The following TCF12 variants were observed in gnomAD, a reference collection of about 807,000 sequenced individuals.
TCF12 encodes DNA-binding protein HTF4.
Under a neutral mutation model 86.0 loss-of-function variants are expected in TCF12, and 45 were observed. That is an observed-to-expected ratio of 0.52 (90% CI 0.41 to 0.67). TCF12 has a LOEUF of 0.67. Among genes scored for constraint, TCF12 ranks in the 30% least tolerant of loss-of-function variants. The pLI is 0.00. For synonymous variants in TCF12, 330 were observed against 299.6 expected (o/e 1.10, Z -1.05); for missense variants, 881 against 859.9 (o/e 1.02, Z -0.31).
rs1286300473 is a variant in TCF12, at chr15:57,056,147, G to GTT, written c.149-7602_149-7601insTT. Among the ~76,000 whole-genome samples the GTT allele has an allele frequency of 2.6e-5, 4 of 151,154 alleles. No homozygotes were observed. In the South Asian group the frequency reaches 8.4e-4, roughly 32 times the overall value. ...TGTGTGTGTGTGTGTGTGTGTGTGTGTGTGTGTTTTGAGACAGAGTTTCTC... is the reference window on the plus strand; with the variant it reads ...TGTGTGTGTGTGTGTGTGTGTGTGTGTTTGTGTGTTTTGAGACAGAGTTTCTC... On this transcript the variant is annotated intron_variant, in intron 3 of 20. Coordinates refer to ENST00000333725, the MANE Select transcript of TCF12 (RefSeq NM_207037.2).
At chr15:56,983,399 G>A (rs1418625977) in intron 3 of TCF12, among the ~76,000 whole-genome samples, 1 of 152,192 alleles carries the variant, frequency 6.6e-6, no homozygotes, top group Admixed American at 6.5e-5. Context: ...GAAAGCTGTA[G>A]AGGGAAAATA....
chr15:56,975,447 T>G (rs1410226233), intron 3 of TCF12, among the ~76,000 whole-genome samples: 1 of 152,202 alleles, frequency 6.6e-6, no homozygotes, highest in Non-Finnish European at 1.5e-5. Context: ...ATGATGGGTC[T>G]TTTAATGATT....
chr15:57,058,616 A>C (rs564445921), intron 3 of TCF12, among the ~76,000 whole-genome samples: 1 of 152,308 alleles, frequency 6.6e-6, no homozygotes, highest in African/African-American at 2.4e-5. Flanking sequence ...TTGACAATTC[A>C]CTGCACAGAA....
At chr15:57,117,162 C>T (rs903746477) in intron 5 of TCF12, among the ~76,000 whole-genome samples, 17 of 151,876 alleles carry the variant, frequency 1.1e-4, no homozygotes, top group Admixed American at 2.0e-4. Context: ...ACCTCTGCCT[C>T]CCAAGGAGCT....
chr15:57,225,219 GCTTTT>G (rs1181842471), intron 8 of TCF12, among the ~76,000 whole-genome samples: 1 of 70,850 alleles, frequency 1.4e-5, no homozygotes, highest in Non-Finnish European at 2.3e-5. Flanking sequence ...ACTGATATAT[GCTTTT>G]TTTTTTTTTT....
At chr15:57,154,917 A>C (rs1162748028) in intron 5 of TCF12, among the ~76,000 whole-genome samples, 1 of 152,182 alleles carries the variant, frequency 6.6e-6, no homozygotes, top group Non-Finnish European at 1.5e-5. Context: ...TTTCAGTTCA[A>C]AAATAATAAC....
intron 19 of TCF12, chr15:57,282,204 A>G: frequency 1.9e-6 from 1 of 528,646 alleles, no homozygotes; most frequent in Non-Finnish European, 3.3e-6. Context: ...ATTTAAATCA[A>G]ATCAAACCCT....
At chr15:57,094,197 C>G (rs893385054) in intron 5 of TCF12, among the ~76,000 whole-genome samples, 3 of 152,044 alleles carry the variant, frequency 2.0e-5, no homozygotes, top group African/African-American at 4.8e-5. Flanking sequence ...CCAGACCATA[C>G]GTTTTATTTG....
intron 5 of TCF12, among the ~76,000 whole-genome samples, chr15:57,149,393 A>T (rs944312783): frequency 5.3e-5 from 8 of 152,230 alleles, no homozygotes; most frequent in African/African-American, 1.7e-4. Context: ...GTATTTCATA[A>T]CTGAAATGAT....
intron 3 of TCF12, among the ~76,000 whole-genome samples, chr15:56,999,912 AG>A (rs2063924684): frequency 6.6e-6 from 1 of 152,130 alleles, no homozygotes; most frequent in African/African-American, 2.4e-5. Flanking sequence ...TAATAAAAAA[AG>A]AAATATTAAA....
intron 5 of TCF12, among the ~76,000 whole-genome samples, chr15:57,127,157 A>T (rs1180941782): frequency 1.3e-5 from 2 of 151,496 alleles, no homozygotes. Flanking sequence ...TAATTTTTGT[A>T]TGTTTAGTAG....
chr15:57,194,078 T>A (rs1029619273), intron 7 of TCF12, among the ~76,000 whole-genome samples: 9 of 152,160 alleles, frequency 5.9e-5, no homozygotes, highest in Non-Finnish European at 1.3e-4. Flanking sequence ...AAAAAGCACT[T>A]AGTACAAGCT....
intron 8 of TCF12, among the ~76,000 whole-genome samples, chr15:57,229,029 G>C (rs1474779446): frequency 6.6e-6 from 1 of 151,906 alleles, no homozygotes. Context: ...ATGTGTTCGG[G>C]TGCTGTCTTC....
At chr15:56,935,979 A>G (rs1191321511) in intron 3 of TCF12, among the ~76,000 whole-genome samples, 1 of 152,092 alleles carries the variant, frequency 6.6e-6, no homozygotes, top group Non-Finnish European at 1.5e-5. Context: ...TTTTCATATA[A>G]TGACTTCTTT....
At chr15:57,195,524 ATGT>A (rs1195125470) in intron 7 of TCF12, among the ~76,000 whole-genome samples, 2 of 152,142 alleles carry the variant, frequency 1.3e-5, no homozygotes, top group African/African-American at 4.8e-5. Context: ...AGTGTGCCAG[ATGT>A]TGTTCATCTT....
intron 3 of TCF12, among the ~76,000 whole-genome samples, chr15:57,061,353 G>C (rs2068445246): frequency 1.3e-5 from 2 of 152,082 alleles, no homozygotes; most frequent in Non-Finnish European, 2.9e-5. Flanking sequence ...AGCACTTTAG[G>C]AGGCCATGGA....
intron 15 of TCF12, 113 bp from the exon 16 acceptor site, chr15:57,253,149 G>GAT: frequency 8.7e-7 from 1 of 1,145,528 alleles, no homozygotes; most frequent in Non-Finnish European, 1.3e-6. Context: ...GAAGCTACTT[G>GAT]ATACTGCATT....
At chr15:57,183,979 C>T (rs1468435331) in intron 6 of TCF12, among the ~76,000 whole-genome samples, 4 of 152,140 alleles carry the variant, frequency 2.6e-5, no homozygotes, top group African/African-American at 9.7e-5. Flanking sequence ...TTTCTTTCCT[C>T]TCTCAGCCCT....
At chr15:56,994,107 A>G (rs1306651476) in intron 3 of TCF12, among the ~76,000 whole-genome samples, 1 of 152,214 alleles carries the variant, frequency 6.6e-6, no homozygotes, top group African/African-American at 2.4e-5. Context: ...GAAAAAGACC[A>G]CTGGATGGGT....
Sources: allele counts gnomAD v4.1 joint callset (sites outside exome capture counted in the v4.1 genomes callset), GRCh38; gene constraint gnomAD v4.1.1; transcripts MANE v1.5; gene names NCBI Gene and HGNC (gene_info 2026-07-23, HGNC 2026-07-21).